Variants in PHACTR2 observed in about 807,000 individuals in gnomAD.
PHACTR2 encodes the protein phosphatase and actin regulator 2, also known as chromosome 6 open reading frame 56.
Under a neutral mutation model 76.0 loss-of-function variants are expected in PHACTR2, and 30 were observed. The observed-to-expected ratio is 0.39, with a 90% CI of 0.30 to 0.54. PHACTR2 has a LOEUF of 0.54. PHACTR2 is among the 20% of genes least tolerant of loss of function. PHACTR2 has a pLI of 0.61. For synonymous variants in PHACTR2, 292 were observed against 292.5 expected, an observed-to-expected ratio of 1.00 and a Z score of 0.02; for missense variants, 696 against 781.1, an observed-to-expected ratio of 0.89 and a Z score of 1.30.
At chr6:143,579,016 G>A (rs746186323) in intron 1 of PHACTR2, among the ~76,000 whole-genome samples, 4 of 152,040 alleles carry the variant, frequency 2.6e-5, no homozygotes, top group Non-Finnish European at 5.9e-5. Context: ...CCATCCTCCT[G>A]CCTCAGCCTC....
In PHACTR2 at chr6:143,739,286, A is replaced by G. The variant is rs546118178; in HGVS notation, c.215-9699A>G. 4.5e-4 allele frequency among the ~76,000 whole-genome samples: 68 copies of G among 152,254 alleles called. No individual in the cohort carries two copies. The highest frequency in any genetic ancestry group is 1.6e-3 in the African/African-American group (66 of 41,542). ...CACCATGTTAGCCAGGATGGTCTCG[A>G]TCTGCTGACCTCATGATCCACCAGC... On this transcript the variant is annotated intron_variant, in intron 2 of 12. Coordinates refer to ENST00000440869, the MANE Select transcript of PHACTR2 (RefSeq NM_001100164.2). The surrounding 1 kb of genome is among the most constrained non-coding windows in gnomAD (Gnocchi z 4.3).
In PHACTR2 at chr6:143,803,513, A is replaced by G. The variant is rs1776006418; in HGVS notation, c.1846-3544A>G. Reference sequence around the variant, plus strand: ...CAGTGAGCTGAGATCACGCCACTGCACTCCAACCTGAATGACACAGTGAGA... The same window carrying G: ...CAGTGAGCTGAGATCACGCCACTGCGCTCCAACCTGAATGACACAGTGAGA... On this transcript the variant is annotated intron_variant, in intron 11 of 12. Coordinates refer to ENST00000440869, the MANE Select transcript of PHACTR2 (RefSeq NM_001100164.2). This position sits in a 1 kb window ranked among gnomAD's most constrained non-coding sequence, Gnocchi z 4.7. Among the ~76,000 whole-genome samples the G allele has an allele frequency of 6.6e-6, 1 of 152,178 alleles. No homozygotes were observed. The highest frequency in any genetic ancestry group is 6.5e-5 in the Admixed American group (1 of 15,272).
intron 1 of PHACTR2, among the ~76,000 whole-genome samples, chr6:143,645,073 A>G (rs958302706): frequency 2.0e-5 from 3 of 151,318 alleles, no homozygotes; most frequent in Admixed American, 6.6e-5. Flanking sequence ...ACATACAACT[A>G]TGGAAAACAG....
chr6:143,795,250 C>G lies in PHACTR2; in HGVS notation c.1845+6340C>G, dbSNP rs1033816444. On this transcript the variant is annotated intron_variant, in intron 11 of 12. Coordinates refer to ENST00000440869, the MANE Select transcript of PHACTR2 (RefSeq NM_001100164.2). This position sits in a 1 kb window ranked among gnomAD's most constrained non-coding sequence, Gnocchi z 4.8. ...GCAACATAGCAAGACCCTCTCTCTA[C>G]AAAAACTAAAAAAATTAGCCAGGTG... 6.6e-6 allele frequency among the ~76,000 whole-genome samples: 1 copy of G among 151,988 alleles called. No homozygotes were observed. Among genetic ancestry groups the G allele is most frequent in the East Asian group, 1.9e-4 (1 of 5,170 alleles).
chr6:143,704,513 C>T (rs1051018109), intron 1 of PHACTR2, among the ~76,000 whole-genome samples: 3 of 152,110 alleles, frequency 2.0e-5, no homozygotes, highest in African/African-American at 7.2e-5. Flanking sequence ...TCCATGATAG[C>T]GAATGCCACA....
chr6:143,741,843 T>C lies in PHACTR2; in HGVS notation c.215-7142T>C, dbSNP rs140082191. On this transcript the variant is annotated intron_variant, in intron 2 of 12. Transcript: ENST00000440869. ...GAGGCTGGGCGCAGTGGCTCATGCCTGTAATCCAAGTACTTTGGGAGGCTC... is the reference window on the plus strand; with the variant it reads ...GAGGCTGGGCGCAGTGGCTCATGCCCGTAATCCAAGTACTTTGGGAGGCTC... Among the ~76,000 whole-genome samples the C allele has an allele frequency of 2.8e-3, 426 of 152,284 alleles. 4 individuals are homozygous for C. In the East Asian group the frequency reaches 0.038, roughly 14 times the overall value.
At chr6:143,643,368 T>C (rs1178811650) in intron 1 of PHACTR2, among the ~76,000 whole-genome samples, 1 of 152,212 alleles carries the variant, frequency 6.6e-6, no homozygotes, top group Non-Finnish European at 1.5e-5. Context: ...GGTCATACTA[T>C]GCACAAGTTA....
Position 143,626,215 on chromosome 6 carries a change from C to G in PHACTR2, c.13+17893C>G, listed in dbSNP as rs549176215. The stretch of plus-strand genomic sequence containing the variant: ...CCGACTATCCCTTACCCCTGCCAAA[C>G]CTTTAGTGGCCCAAATTGGTTTAAA... On this transcript the variant is annotated intron_variant, in intron 1 of 11. Transcript: ENST00000305766. Among the ~76,000 whole-genome samples, 13 of 152,262 alleles carry G rather than the reference C, an allele frequency of 8.5e-5. No individual in the cohort carries two copies. In the East Asian group the frequency reaches 2.3e-3, roughly 27 times the overall value.
At chr6:143,574,194 C>T (rs1301441261) in intron 1 of PHACTR2, among the ~76,000 whole-genome samples, 1 of 152,218 alleles carries the variant, frequency 6.6e-6, no homozygotes, top group East Asian at 1.9e-4. Context: ...GCTAGAGGCT[C>T]TCACTGTGGG....
intron 1 of PHACTR2, among the ~76,000 whole-genome samples, chr6:143,609,244 A>G (rs1317593087): frequency 6.6e-6 from 1 of 152,208 alleles, no homozygotes; most frequent in Non-Finnish European, 1.5e-5. Flanking sequence ...TGTTTATGAA[A>G]TTGAGCTAGT....
Position 143,778,847 on chromosome 6 carries a change from G to C in PHACTR2, c.1645+1464G>C, listed in dbSNP as rs189709688. Among the ~76,000 whole-genome samples, 14 of 152,278 alleles carry C rather than the reference G, an allele frequency of 9.2e-5. No homozygotes were observed. In the East Asian group the frequency reaches 2.7e-3, roughly 29 times the overall value. On this transcript the variant is annotated intron_variant, in intron 9 of 12. Transcript: ENST00000440869. ...CTTTCTTGATCCTGTGAGATAAATAGTGCCAAACCACAATGGAGTTTGGTT... is the reference window on the plus strand; with the variant it reads ...CTTTCTTGATCCTGTGAGATAAATACTGCCAAACCACAATGGAGTTTGGTT...
chr6:143,552,308 T>A (rs1304624616), intron 1 of PHACTR2, among the ~76,000 whole-genome samples: 2 of 152,144 alleles, frequency 1.3e-5, no homozygotes, highest in Admixed American at 1.3e-4. Context: ...TCAGATTGCA[T>A]CTGAAGGAAG....
chr6:143,811,584 C>G lies in PHACTR2; in HGVS notation c.1922+4451C>G, dbSNP rs1320454520. Among the ~76,000 whole-genome samples the G allele has an allele frequency of 2.0e-5, 3 of 152,032 alleles. No individual in the cohort carries two copies. The highest frequency in any genetic ancestry group is 7.2e-5 in the African/African-American group (3 of 41,388). ...TGATTAACACTCTTTAATACCTTTC[C>G]AGATAAGGAAAAATTAAATATTCAT... On this transcript the variant is annotated intron_variant, in intron 12 of 12. Coordinates refer to ENST00000440869, the MANE Select transcript of PHACTR2 (RefSeq NM_001100164.2). This position sits in a 1 kb window ranked among gnomAD's most constrained non-coding sequence, Gnocchi z 4.1.
chr6:143,694,046 G>T (rs984644562), intron 1 of PHACTR2, among the ~76,000 whole-genome samples: 1 of 151,542 alleles, frequency 6.6e-6, no homozygotes, highest in Non-Finnish European at 1.5e-5. Context: ...TCCAGCCTGG[G>T]TGACAGACAG....
intron 1 of PHACTR2, among the ~76,000 whole-genome samples, chr6:143,669,805 A>G (rs1373019789): frequency 6.6e-6 from 1 of 151,826 alleles, no homozygotes; most frequent in African/African-American, 2.4e-5. Flanking sequence ...TCTTTATCCA[A>G]CTTGCCAATC....
chr6:143,574,877 A>G (rs774613932), intron 1 of PHACTR2, among the ~76,000 whole-genome samples: 30 of 152,246 alleles, frequency 2.0e-4, no homozygotes, highest in Non-Finnish European at 3.4e-4. Context: ...TAAAACAGCA[A>G]CAACAACAAC....
intron 1 of PHACTR2, among the ~76,000 whole-genome samples, chr6:143,687,376 G>A (rs1452732981): frequency 6.6e-6 from 1 of 152,146 alleles, no homozygotes; most frequent in Non-Finnish European, 1.5e-5. Context: ...TTTGAATAGA[G>A]GGAAAATTCC....
rs1193650318 is a variant in PHACTR2, at chr6:143,783,732, C to T, written c.1707+452C>T. ...AATAATTAACAAGGGTTTTAAGTTG[C>T]ATTTACTCCATGAAAGTATGTACTC... On this transcript the variant is annotated intron_variant, in intron 10 of 12. Transcript: ENST00000440869. The surrounding 1 kb of genome is among the most constrained non-coding windows in gnomAD (Gnocchi z 5.2). Among the ~76,000 whole-genome samples, 1 of 152,062 alleles carries T rather than the reference C, an allele frequency of 6.6e-6. No homozygotes were observed. Among genetic ancestry groups the T allele is most frequent in the Non-Finnish European group, 1.5e-5 (1 of 68,028 alleles).
At chr6:143,705,274 A>G (rs1277559165) in intron 1 of PHACTR2, among the ~76,000 whole-genome samples, 1 of 149,108 alleles carries the variant, frequency 6.7e-6, no homozygotes, top group Non-Finnish European at 1.5e-5. Flanking sequence ...GCCTGCTACA[A>G]AGTCTGGCTA....
Sources: allele counts gnomAD v4.1 joint callset (sites outside exome capture counted in the v4.1 genomes callset), GRCh38; gene constraint gnomAD v4.1.1; non-coding constraint Gnocchi (gnomAD v3.1); transcripts MANE v1.5; gene names NCBI Gene and HGNC (gene_info 2026-07-23, HGNC 2026-07-21).